The following ZIM2 variants were observed in gnomAD, a reference collection of about 807,000 sequenced individuals.
The protein encoded by ZIM2 is zinc finger protein 656.
A neutral mutation model predicts 38.6 loss-of-function variants in ZIM2; 14 were observed. That is an observed-to-expected ratio of 0.36 (90% CI 0.24 to 0.57). ZIM2 has a LOEUF of 0.57. Among genes scored for constraint, ZIM2 ranks in the 20% least tolerant of loss-of-function variants. The pLI is 0.81. For missense variants in ZIM2, 680 were observed against 695.1 expected (o/e 0.98, Z 0.24); for synonymous variants, 247 against 245.8 (o/e 1.00, Z -0.04).
chr19:56,799,265 G>T (rs1391745227), intron 9 of ZIM2: 1 of 152,178 alleles, frequency 6.6e-6, no homozygotes, highest in Non-Finnish European at 1.5e-5. Context: ...ATACCATGCA[G>T]CCATAAAAAG....
Position 56,814,501 on chromosome 19 carries a change from G to A in ZIM2, c.490+3245C>T. Reference sequence around the variant, plus strand: ...AGTAAGAAATGAGGTGTGAGTATAGGAGGACCCGTACTCATAGGGCTCATT... The same window carrying A: ...AGTAAGAAATGAGGTGTGAGTATAGAAGGACCCGTACTCATAGGGCTCATT... On this transcript the variant is annotated intron_variant, in intron 9 of 12. Transcript: ENST00000629319. This position sits in a 1 kb window ranked among gnomAD's most constrained non-coding sequence, Gnocchi z 5.8. The A allele has an allele frequency of 6.2e-7, 1 of 1,614,082 alleles. No individual in the cohort carries two copies. Among genetic ancestry groups the A allele is most frequent in the Non-Finnish European group, 8.5e-7 (1 of 1,179,948 alleles).
At chr19:56,816,589 T>C in intron 9 of ZIM2, 1 of 1,614,042 alleles carries the variant, frequency 6.2e-7, no homozygotes, top group Middle Eastern at 1.6e-4. Flanking sequence ...ATACATTTTC[T>C]GAAACTCATT....
intron 9 of ZIM2, chr19:56,812,664 A>G: frequency 2.0e-6 from 2 of 985,770 alleles, no homozygotes; most frequent in Non-Finnish European, 2.4e-6. Flanking sequence ...TATTTACAGC[A>G]TGAGAGCCTC....
rs965629237 is a variant in ZIM2 at position 56,805,361 on chromosome 19, G to A, written c.490+12385C>T. On this transcript the variant is annotated intron_variant, in intron 9 of 12. Coordinates refer to ENST00000629319, the MANE Select transcript of ZIM2 (RefSeq NM_001387356.1). ...CCTTCCACTGGGAAGGGCCAGGCAC[G>A]CAACTCAGGCTGGGCCAATAAGAGT... 2.0e-5 allele frequency among the ~76,000 whole-genome samples: 3 copies of A among 152,272 alleles called. No individual in the cohort carries two copies. The East Asian group carries it at 5.8e-4, about 29-fold the overall frequency.
In ZIM2 at chr19:56,786,098, A is replaced by G. The variant is rs2046587018; in HGVS notation, c.570+3774T>C. 2.6e-5 allele frequency among the ~76,000 whole-genome samples: 4 copies of G among 152,114 alleles called. No individual in the cohort carries two copies. The South Asian group carries it at 8.3e-4, about 32-fold the overall frequency. ...AACCACTAACATACTTTATGTCTCC[A>G]TGGATTTGCTGATTCTGGATATTTC... On this transcript the variant is annotated intron_variant, in intron 10 of 12. Coordinates refer to ENST00000629319, the MANE Select transcript of ZIM2 (RefSeq NM_001387356.1).
chr19:56,819,368 T>C (rs2060267592), intron 7 of ZIM2, among the ~76,000 whole-genome samples: 1 of 152,226 alleles, frequency 6.6e-6, no homozygotes, highest in African/African-American at 2.4e-5. Context: ...CTTTTCTGTC[T>C]TAATGGATAT....
chr19:56,812,281 A>G, intron 9 of ZIM2: 3 of 980,418 alleles, frequency 3.1e-6, no homozygotes, highest in Non-Finnish European at 3.6e-6. Flanking sequence ...TTGTAATTAA[A>G]AGAATACTAA....
intron 1 of ZIM2, among the ~76,000 whole-genome samples, chr19:56,839,061 G>A (rs1439884972): frequency 1.3e-5 from 2 of 152,040 alleles, no homozygotes; most frequent in East Asian, 1.9e-4. Flanking sequence ...CGCCCAGGCG[G>A]GCGGGCCTTG....
Position 56,775,542 on chromosome 19 carries a change from T to C in ZIM2, c.836-13A>G, listed in dbSNP as rs2045952919. 2.5e-6 allele frequency: 4 copies of C among 1,581,758 alleles called. No homozygotes were observed. Among genetic ancestry groups the C allele is most frequent in the Admixed American group, 1.8e-5 (1 of 54,450 alleles). On this transcript the variant is annotated splice_polypyrimidine_tract_variant and intron_variant, in intron 12 of 12. Transcript: ENST00000629319. ...TCATGAGACTCTCCTGCAGAGACAA[T>C]GCCAGAAGTTACCTACCGCCCAATT... is the stretch of plus-strand genomic sequence containing the variant.
At chr19:56,793,532 G>A (rs1477280083) in intron 9 of ZIM2, among the ~76,000 whole-genome samples, 1 of 152,178 alleles carries the variant, frequency 6.6e-6, no homozygotes, top group Non-Finnish European at 1.5e-5. Flanking sequence ...AGTTATGATT[G>A]GACAGTGGAG....
At chr19:56,803,040 C>A (rs1017270887) in intron 9 of ZIM2, among the ~76,000 whole-genome samples, 1 of 152,198 alleles carries the variant, frequency 6.6e-6, no homozygotes, top group Non-Finnish European at 1.5e-5. Flanking sequence ...AGGATGGCCA[C>A]CTTGCCTTTG....
chr19:56,810,790 T>C (rs937423099), intron 9 of ZIM2: 11 of 975,772 alleles, frequency 1.1e-5, no homozygotes, highest in East Asian at 2.3e-4. Flanking sequence ...ATCAAGATGT[T>C]AGCAGTAGTT....
At chr19:56,811,800 T>C (rs2059560276) in intron 9 of ZIM2, 5 of 985,484 alleles carry the variant, frequency 5.1e-6, no homozygotes, top group Non-Finnish European at 6.0e-6. Context: ...TTTTCCAAAC[T>C]GCTCAGGACA....
chr19:56,840,121 C>T (rs1363468847), intron 1 of ZIM2, among the ~76,000 whole-genome samples: 1 of 152,220 alleles, frequency 6.6e-6, no homozygotes, highest in Non-Finnish European at 1.5e-5. Flanking sequence ...AGACCCAGCC[C>T]AGGAGGCCCA....
intron 9 of ZIM2, among the ~76,000 whole-genome samples, chr19:56,800,760 A>G (rs2145985523): frequency 6.6e-6 from 1 of 152,260 alleles, no homozygotes; most frequent in Middle Eastern, 3.4e-3. Context: ...ACAAATCAAA[A>G]GGTCCAAGCA....
intron 9 of ZIM2, among the ~76,000 whole-genome samples, chr19:56,797,619 C>G (rs567673443): frequency 6.6e-6 from 1 of 152,230 alleles, no homozygotes; most frequent in African/African-American, 2.4e-5. Flanking sequence ...TTAAAAGTAC[C>G]TCTTTCTTCT....
At chr19:56,838,845 C>A (rs951597705) in intron 1 of ZIM2, among the ~76,000 whole-genome samples, 2 of 152,192 alleles carry the variant, frequency 1.3e-5, no homozygotes, top group African/African-American at 4.8e-5. Flanking sequence ...GCAACCGTGG[C>A]CCCGCCCCTC....
intron 9 of ZIM2, among the ~76,000 whole-genome samples, chr19:56,797,161 T>A (rs7247448): frequency 0.26 from 39,052 of 151,832 alleles, 5,246 homozygotes; most frequent in African/African-American, 0.33. Flanking sequence ...AAAATATTTT[T>A]AAAAAATAGC....
intron 10 of ZIM2, among the ~76,000 whole-genome samples, chr19:56,786,049 C>A (rs2046582546): frequency 1.3e-5 from 2 of 152,156 alleles, no homozygotes; most frequent in Non-Finnish European, 2.9e-5. Flanking sequence ...AACATCTTCC[C>A]ACGCCCTACC....
Sources: allele counts gnomAD v4.1 joint callset (sites outside exome capture counted in the v4.1 genomes callset), GRCh38; gene constraint gnomAD v4.1.1; non-coding constraint Gnocchi (gnomAD v3.1); transcripts MANE v1.5; gene names NCBI Gene and HGNC (gene_info 2026-07-23, HGNC 2026-07-21).